The following ADGRA3 variants were observed in gnomAD, a reference collection of about 807,000 sequenced individuals.
ADGRA3 encodes adhesion G protein-coupled receptor A3.
In ADGRA3, 56 loss-of-function variants were observed where a neutral mutation model predicts 119.8. That is an observed-to-expected ratio of 0.47 (90% CI 0.38 to 0.58). The LOEUF (loss-of-function observed/expected upper bound fraction) is 0.58, where lower values mean the gene tolerates loss of function less well. Ranked by LOEUF, ADGRA3 falls within the 20% of genes least tolerant of loss-of-function variation. The pLI, the probability that ADGRA3 is intolerant of heterozygous loss-of-function variation, is 0.00. For synonymous variants in ADGRA3, 607 were observed against 623.8 expected, an observed-to-expected ratio of 0.97 and a Z score of 0.40; for missense variants, 1,516 against 1,649.0, an observed-to-expected ratio of 0.92 and a Z score of 1.40.
chr4:22,478,945 T>C (rs1255313702), intron 1 of ADGRA3, among the ~76,000 whole-genome samples: 1 of 152,118 alleles, frequency 6.6e-6, no homozygotes, highest in Admixed American at 6.5e-5. Flanking sequence ...CCATAAGCAA[T>C]GTTAAAAGAT....
chr4:22,413,105 A>AAC, intron 14 of ADGRA3, 77 bp downstream of exon 14: 1 of 1,146,072 alleles, frequency 8.7e-7, no homozygotes, highest in Non-Finnish European at 1.3e-6. Flanking sequence ...AAAACAAAAA[A>AAC]ACACTTCATT....
chr4:22,395,193 T>A (rs1428229860), intron 16 of ADGRA3, among the ~76,000 whole-genome samples: 1 of 152,162 alleles, frequency 6.6e-6, no homozygotes, highest in Non-Finnish European at 1.5e-5. Context: ...GGACACTAAT[T>A]TCCAAAGTTG....
chr4:22,441,065 G>C (rs558556394), intron 7 of ADGRA3, among the ~76,000 whole-genome samples: 1 of 152,258 alleles, frequency 6.6e-6, no homozygotes, highest in East Asian at 1.9e-4. Flanking sequence ...GTTGATATGA[G>C]AAACAAGGGT....
At chr4:22,461,704 T>C in intron 3 of ADGRA3, 33 bp downstream of exon 3, 4 of 1,436,844 alleles carry the variant, frequency 2.8e-6, no homozygotes, top group Non-Finnish European at 3.9e-6. Flanking sequence ...AAGCAACAAT[T>C]CAAACTCGTA....
intron 16 of ADGRA3, among the ~76,000 whole-genome samples, chr4:22,396,721 C>T (rs115336934): frequency 0.013 from 1,939 of 151,968 alleles, 16 homozygotes; most frequent in Non-Finnish European, 0.023. Context: ...CAAAGGGAAA[C>T]ACATTATAAA....
At chr4:22,493,244 G>T (rs1205928054) in intron 1 of ADGRA3, among the ~76,000 whole-genome samples, 1 of 152,146 alleles carries the variant, frequency 6.6e-6, no homozygotes, top group East Asian at 1.9e-4. Context: ...GGGATTACAG[G>T]CATGAGCCAC....
Position 22,388,464 on chromosome 4 carries a change from T to C in ADGRA3, c.3207A>G (p.Ser1069=). 1 of 1,614,090 alleles carries C rather than the reference T, an allele frequency of 6.2e-7. No individual in the cohort carries two copies. The highest frequency in any genetic ancestry group is 8.5e-7 in the Non-Finnish European group (1 of 1,180,006). The change falls in exon 19 of 19, where the codon TCA becomes TCG. Residue 1069 remains serine, a synonymous_variant. Coordinates refer to ENST00000334304, the MANE Select transcript of ADGRA3 (RefSeq NM_145290.4). ...MTCCPGRSSY[S]VQVNVQPPNS... is the part of the protein sequence containing the mutation. ...TGGGGGGCTGGACGTTGACTTGCACTGAATACGAGCTCCGTCCTGGGCAGC... is the reference window on the plus strand; with the variant it reads ...TGGGGGGCTGGACGTTGACTTGCACCGAATACGAGCTCCGTCCTGGGCAGC...
chr4:22,394,766 G>T (rs1714282333), intron 16 of ADGRA3: 2 of 152,186 alleles, frequency 1.3e-5, no homozygotes, highest in Non-Finnish European at 2.9e-5. Flanking sequence ...TTTAGGCACT[G>T]AAGTGTTTTC....
At chr4:22,513,144 T>A (rs1040180290) in intron 1 of ADGRA3, among the ~76,000 whole-genome samples, 2 of 71,656 alleles carry the variant, frequency 2.8e-5, no homozygotes, top group Admixed American at 2.9e-4. Flanking sequence ...AACTTTCCTC[T>A]TTTTTTTTTT....
rs760601302 is a variant in ADGRA3 at position 22,413,724 on chromosome 4, A to AAAG, written c.1897_1899dup (p.Leu633dup). The AAAG allele has an allele frequency of 3.7e-6, 6 of 1,613,840 alleles. No individual in the cohort carries two copies. In the African/African-American group the frequency reaches 8.0e-5, roughly 22 times the overall value. On this transcript the variant is annotated inframe_insertion, in exon 13 of 19. Coordinates refer to ENST00000334304, the MANE Select transcript of ADGRA3 (RefSeq NM_145290.4). ...CGGAATGCAATGAGTTGAAGCTTGTAAAGAGAGTCATCAGTTGGTCTGAGT... is the reference window on the plus strand; with the variant it reads ...CGGAATGCAATGAGTTGAAGCTTGTAAAGAAGAGAGTCATCAGTTGGTCTGAGT...
intron 1 of ADGRA3, among the ~76,000 whole-genome samples, chr4:22,481,733 A>T (rs991860918): frequency 6.6e-5 from 10 of 152,232 alleles, no homozygotes; most frequent in Admixed American, 6.5e-4. Context: ...CTAGGACAGC[A>T]GAGTTGAGTA....
At chr4:22,407,758 T>C (rs1715001093) in intron 14 of ADGRA3, among the ~76,000 whole-genome samples, 1 of 152,164 alleles carries the variant, frequency 6.6e-6, no homozygotes, top group South Asian at 2.1e-4. Flanking sequence ...ATGGAAAAAG[T>C]TTTTAGAACT....
intron 1 of ADGRA3, among the ~76,000 whole-genome samples, chr4:22,495,704 C>T (rs1870955): frequency 0.082 from 12,469 of 151,746 alleles, 677 homozygotes; most frequent in Middle Eastern, 0.12. Flanking sequence ...GTCAGGAGAT[C>T]GAGATCATCC....
At chr4:22,460,031 T>G (rs1717386198) in intron 3 of ADGRA3, among the ~76,000 whole-genome samples, 1 of 152,162 alleles carries the variant, frequency 6.6e-6, no homozygotes, top group Admixed American at 6.5e-5. Context: ...TAAACTACTG[T>G]CCCAAGAGAT....
intron 10 of ADGRA3, among the ~76,000 whole-genome samples, chr4:22,434,501 C>A (rs964920072): frequency 1.1e-4 from 16 of 152,090 alleles, no homozygotes; most frequent in Non-Finnish European, 2.2e-4. Context: ...TCTTTCCAGG[C>A]GTGCCCTAAC....
At chr4:22,432,428 G>A (rs1223955100) in intron 10 of ADGRA3, among the ~76,000 whole-genome samples, 1 of 151,488 alleles carries the variant, frequency 6.6e-6, no homozygotes, top group Admixed American at 6.6e-5. Flanking sequence ...GTAAGATCAA[G>A]AAAAAAAAGA....
intron 12 of ADGRA3, among the ~76,000 whole-genome samples, chr4:22,415,099 A>ACTGT (rs1427435776): frequency 6.6e-6 from 1 of 152,044 alleles, no homozygotes; most frequent in African/African-American, 2.4e-5. Context: ...GATGTAGCTC[A>ACTGT]CTGTCTGCTC....
chr4:22,423,128 G>A (rs1228568816), intron 11 of ADGRA3, among the ~76,000 whole-genome samples: 6 of 151,926 alleles, frequency 3.9e-5, no homozygotes, highest in Non-Finnish European at 8.8e-5. Flanking sequence ...ACGGGTGGCG[G>A]AGGCTGCAGT....
At chr4:22,463,373 G>A (rs1717541192) in intron 2 of ADGRA3, among the ~76,000 whole-genome samples, 1 of 152,154 alleles carries the variant, frequency 6.6e-6, no homozygotes, top group African/African-American at 2.4e-5. Context: ...CTGGACCACT[G>A]GCGCCACCTG....
Sources: allele counts gnomAD v4.1 joint callset (sites outside exome capture counted in the v4.1 genomes callset), GRCh38; gene constraint gnomAD v4.1.1; transcripts MANE v1.5; gene names NCBI Gene and HGNC (gene_info 2026-07-23, HGNC 2026-07-21).